The following JAK1 variants were observed in gnomAD, a reference collection of about 807,000 sequenced individuals.
JAK1 encodes Janus kinase 1, also known as tyrosine-protein kinase JAK1.
JAK1 carries 16 observed loss-of-function variants against 136.6 expected under a neutral mutation model. The observed-to-expected ratio is 0.12, with a 90% CI of 0.08 to 0.18. The LOEUF (loss-of-function observed/expected upper bound fraction) is 0.18, where lower values mean the gene tolerates loss of function less well. JAK1 is among the 10% of genes least tolerant of loss of function. The pLI, the probability that JAK1 is intolerant of heterozygous loss-of-function variation, is 1.00. For synonymous variants in JAK1, 492 were observed against 519.5 expected (o/e 0.95, Z 0.72); for missense variants, 859 against 1,450.1 (o/e 0.59, Z 6.62).
chr1:65,023,033 G>A (rs935433430), intron 2 of JAK1: 60 of 152,162 alleles, frequency 3.9e-4, no homozygotes, highest in African/African-American at 1.4e-3. Context: ...AATCTTCTCT[G>A]TATCATTCCA....
intron 11 of JAK1, among the ~76,000 whole-genome samples, chr1:64,853,337 A>G (rs1379003695): frequency 6.6e-6 from 1 of 152,144 alleles, no homozygotes; most frequent in East Asian, 1.9e-4. Context: ...CTTTCCAAAG[A>G]CAGTGTGACC....
chr1:64,977,591 C>T lies in JAK1; in HGVS notation c.-78+66889G>A, dbSNP rs140310803. On this transcript the variant is annotated intron_variant, in intron 2 of 25. Coordinates refer to the JAK1 transcript ENST00000671954. ...GACTACAGGCATCCACCACCATGCC[C>T]GGCTAATTTTTTGTGTTTTTAATAG... Among the ~76,000 whole-genome samples, 194 of 151,986 alleles carry T rather than the reference C, an allele frequency of 1.3e-3. 2 individuals are homozygous for T. Among genetic ancestry groups the T allele is most frequent in the African/African-American group, 3.9e-3 (160 of 41,436 alleles).
intron 2 of JAK1, chr1:64,990,611 G>GAAAGT (rs1202758518): frequency 6.6e-6 from 1 of 151,966 alleles, no homozygotes; most frequent in Non-Finnish European, 1.5e-5. Flanking sequence ...AAAGAAACAG[G>GAAAGT]AAAGTATACT....
intron 11 of JAK1, among the ~76,000 whole-genome samples, chr1:64,851,523 C>T (rs556946556): frequency 1.3e-5 from 2 of 152,286 alleles, no homozygotes; most frequent in East Asian, 3.9e-4. Flanking sequence ...GCTCGTGGTA[C>T]CAGCAGTGCC....
chr1:65,018,790 C>G (rs969019862), intron 2 of JAK1, among the ~76,000 whole-genome samples: 5 of 152,142 alleles, frequency 3.3e-5, no homozygotes, highest in African/African-American at 9.7e-5. Context: ...GCGGGCAGAT[C>G]ACGAGGTCAG....
At chr1:64,946,943 A>C (rs1486522029) in intron 1 of JAK1, among the ~76,000 whole-genome samples, 1 of 152,202 alleles carries the variant, frequency 6.6e-6, no homozygotes, top group African/African-American at 2.4e-5. Flanking sequence ...CATTATGCTA[A>C]GTGAAACATG....
At chr1:64,991,812 G>T (rs1646659272) in intron 2 of JAK1, 1 of 152,124 alleles carries the variant, frequency 6.6e-6, no homozygotes, top group African/African-American at 2.4e-5. Flanking sequence ...AGGAAATAAA[G>T]CAATTCTATC....
chr1:64,980,703 C>T (rs1481727311), intron 2 of JAK1, among the ~76,000 whole-genome samples: 1 of 152,058 alleles, frequency 6.6e-6, no homozygotes, highest in Non-Finnish European at 1.5e-5. Context: ...AGGTATACCT[C>T]CTAATGCTAT....
chr1:64,928,580 AG>A (rs1344292941), intron 1 of JAK1, among the ~76,000 whole-genome samples: 2 of 152,152 alleles, frequency 1.3e-5, no homozygotes, highest in Non-Finnish European at 2.9e-5. Flanking sequence ...AAAATAGCTT[AG>A]AGGAGCATAA....
intron 2 of JAK1, chr1:64,992,547 C>T (rs111249528): frequency 0.019 from 2,822 of 152,246 alleles, 45 homozygotes; most frequent in Non-Finnish European, 0.029. Flanking sequence ...ATCCCAACTT[C>T]CTGAAGCTGA....
chr1:64,891,033 C>T (rs928784556), intron 1 of JAK1, among the ~76,000 whole-genome samples: 8 of 151,982 alleles, frequency 5.3e-5, no homozygotes, highest in African/African-American at 1.9e-4. Flanking sequence ...TTAAGTCAGT[C>T]AATGCATGTA....
At chr1:64,880,444 T>C (rs1158136197) in intron 3 of JAK1, among the ~76,000 whole-genome samples, 1 of 152,236 alleles carries the variant, frequency 6.6e-6, no homozygotes, top group East Asian at 1.9e-4. Flanking sequence ...CCTTTCTTTA[T>C]GCATATCCAC....
At chr1:64,962,522 T>C (rs566249417) in intron 1 of JAK1, among the ~76,000 whole-genome samples, 14 of 152,232 alleles carry the variant, frequency 9.2e-5, no homozygotes, top group Non-Finnish European at 2.1e-4. Context: ...TAATGTTTTA[T>C]GCTTTCCTGT....
At chr1:64,948,378 C>T (rs568004905) in intron 1 of JAK1, among the ~76,000 whole-genome samples, 1 of 152,314 alleles carries the variant, frequency 6.6e-6, no homozygotes. Flanking sequence ...AATGTCAAAC[C>T]AGTTTCATAT....
chr1:64,891,225 G>T (rs1328407019), intron 1 of JAK1, among the ~76,000 whole-genome samples: 1 of 152,158 alleles, frequency 6.6e-6, no homozygotes, highest in African/African-American at 2.4e-5. Flanking sequence ...TAAAAAGCAT[G>T]AGAGGTTTTA....
At position 64,834,089 on chromosome 1, in the gene JAK1, A is replaced by AGAT. The variant is rs1654315986; in HGVS notation, c.*470_*472dup. The stretch of plus-strand genomic sequence containing the variant: ...AAGAATGCATGGTCTAGTACTGTAT[A>AGAT]GATACTGAAATTTGAGGGCTAAGTC... On this transcript the variant is annotated 3_prime_UTR_variant, in exon 25 of 25. Coordinates refer to ENST00000342505, the MANE Select transcript of JAK1 (RefSeq NM_002227.4). 1 of 245,610 alleles carries AGAT rather than the reference A, an allele frequency of 4.1e-6. No homozygotes were observed. The highest frequency in any genetic ancestry group is 5.7e-5 in the East Asian group (1 of 17,542). 15.2% of individuals were successfully genotyped at this position (245,610 alleles called of 1,614,324 possible).
intron 1 of JAK1, among the ~76,000 whole-genome samples, chr1:64,924,343 T>C (rs896548405): frequency 6.6e-6 from 1 of 152,216 alleles, no homozygotes; most frequent in African/African-American, 2.4e-5. Context: ...AACAGGCTTT[T>C]TCCCTGCAAG....
At chr1:64,968,143 G>C (rs1220229153), upstream of JAK1, among the ~76,000 whole-genome samples, 1 of 152,100 alleles carries the variant, frequency 6.6e-6, no homozygotes, top group Non-Finnish European at 1.5e-5. Context: ...AGGATGTAAA[G>C]AAAAAGGAAA....
intron 1 of JAK1, among the ~76,000 whole-genome samples, chr1:64,894,128 A>G (rs1041050079): frequency 3.9e-5 from 6 of 152,188 alleles, no homozygotes; most frequent in African/African-American, 1.2e-4. Flanking sequence ...TGATAAGGAC[A>G]CCACTGCTCG....
Sources: gnomAD v4.1 joint callset for allele counts (sites outside exome capture counted in the v4.1 genomes callset) on GRCh38, gnomAD v4.1.1 for gene constraint, MANE v1.5 for transcripts, NCBI Gene and HGNC (gene_info 2026-07-23, HGNC 2026-07-21) for gene names.